TMEM108: variants seen among roughly 807,000 people sequenced by gnomAD.
TMEM108 encodes the protein transmembrane protein 108.
A neutral mutation model predicts 35.1 loss-of-function variants in TMEM108; 12 were observed. That is an observed-to-expected ratio of 0.34 (90% CI 0.22 to 0.55). The LOEUF is 0.55. Among genes scored for constraint, TMEM108 ranks in the 20% least tolerant of loss-of-function variants. The pLI, the probability that TMEM108 is intolerant of heterozygous loss-of-function variation, is 0.89. For missense variants in TMEM108, 680 were observed against 753.3 expected (o/e 0.90, Z 1.14); for synonymous variants, 287 against 308.6 (o/e 0.93, Z 0.73).
At chr3:133,312,066 G>T (rs2071136289) in intron 3 of TMEM108, among the ~76,000 whole-genome samples, 1 of 152,210 alleles carries the variant, frequency 6.6e-6, no homozygotes, top group South Asian at 2.1e-4. Flanking sequence ...AAATATTGCA[G>T]AACAGCAAAT....
chr3:133,156,853 A>G (rs909788844), intron 2 of TMEM108, among the ~76,000 whole-genome samples: 16 of 152,040 alleles, frequency 1.1e-4, no homozygotes, highest in Non-Finnish European at 2.4e-4. Context: ...TGTGTGAATC[A>G]TTGTTTTCCC....
intron 2 of TMEM108, among the ~76,000 whole-genome samples, chr3:133,047,725 C>G (rs1469145332): frequency 6.6e-6 from 1 of 151,896 alleles, no homozygotes; most frequent in Non-Finnish European, 1.5e-5. Flanking sequence ...GTGATTCAAT[C>G]TTGCTCTGAA....
intron 1 of TMEM108, among the ~76,000 whole-genome samples, chr3:133,042,050 G>A (rs1943282042): frequency 6.6e-6 from 1 of 152,166 alleles, no homozygotes; most frequent in South Asian, 2.1e-4. Flanking sequence ...TATATTAGCA[G>A]CCCCAAACTT....
intron 3 of TMEM108, among the ~76,000 whole-genome samples, chr3:133,364,350 G>A (rs2072443116): frequency 6.6e-6 from 1 of 152,250 alleles, no homozygotes; most frequent in Non-Finnish European, 1.5e-5. Context: ...GCCAGTAAGT[G>A]TGTGCTGGAT....
At chr3:133,116,592 A>G (rs1203030423) in intron 2 of TMEM108, among the ~76,000 whole-genome samples, 1 of 152,100 alleles carries the variant, frequency 6.6e-6, no homozygotes, top group Non-Finnish European at 1.5e-5. Flanking sequence ...ATGCCTTCCA[A>G]CTCGAAGACA....
intron 2 of TMEM108, among the ~76,000 whole-genome samples, chr3:133,125,658 C>A (rs1307512228): frequency 6.6e-6 from 1 of 152,112 alleles, no homozygotes; most frequent in African/African-American, 2.4e-5. Context: ...TCTTTTAGAT[C>A]ACAATCTTAA....
intron 2 of TMEM108, among the ~76,000 whole-genome samples, chr3:133,177,759 G>C (rs1470623674): frequency 6.6e-6 from 1 of 152,112 alleles, no homozygotes; most frequent in African/African-American, 2.4e-5. Flanking sequence ...GCACAAGATA[G>C]GGATGCCCTC....
intron 1 of TMEM108, among the ~76,000 whole-genome samples, chr3:133,039,866 G>T (rs767208382): frequency 6.6e-6 from 1 of 152,128 alleles, no homozygotes; most frequent in Non-Finnish European, 1.5e-5. Context: ...TTTAGGAAAT[G>T]ACCTGATTTC....
At chr3:133,277,655 A>G (rs749313358) in intron 3 of TMEM108, among the ~76,000 whole-genome samples, 3 of 152,312 alleles carry the variant, frequency 2.0e-5, no homozygotes, top group Admixed American at 6.5e-5. Flanking sequence ...GCATTGTTCT[A>G]TTTAACCTTG....
chr3:133,268,065 T>G (rs535961229), intron 3 of TMEM108, among the ~76,000 whole-genome samples: 1 of 152,298 alleles, frequency 6.6e-6, no homozygotes, highest in Non-Finnish European at 1.5e-5. Context: ...AGAAGCTGGC[T>G]AGGTACAGAG....
intron 3 of TMEM108, among the ~76,000 whole-genome samples, chr3:133,375,281 G>A (rs976478163): frequency 6.6e-6 from 1 of 152,208 alleles, no homozygotes; most frequent in South Asian, 2.1e-4. Context: ...GCTCATGTAT[G>A]CATTGGAATT....
intron 5 of TMEM108, among the ~76,000 whole-genome samples, chr3:133,391,166 G>T (rs1052647091): frequency 6.6e-6 from 1 of 152,194 alleles, no homozygotes; most frequent in African/African-American, 2.4e-5. Context: ...AGTTTTAGAA[G>T]GATTATGCTG....
intron 3 of TMEM108, among the ~76,000 whole-genome samples, chr3:133,339,735 GAAATAATACC>G (rs1171703989): frequency 4.0e-5 from 6 of 151,740 alleles, no homozygotes; most frequent in African/African-American, 1.5e-4. Flanking sequence ...CCAAAAAATT[GAAATAATACC>G]AAGTATATTC....
intron 3 of TMEM108, 170 bp from the exon 4 acceptor site, chr3:133,379,582 C>A: frequency 1.5e-6 from 1 of 678,750 alleles, no homozygotes; most frequent in Non-Finnish European, 2.5e-6. Flanking sequence ...AATAGACCTG[C>A]CCCAGCTCCA....
At chr3:133,258,924 G>A (rs79207628) in intron 3 of TMEM108, among the ~76,000 whole-genome samples, 1,911 of 152,342 alleles carry the variant, frequency 0.013, 16 homozygotes, top group South Asian at 0.024. Context: ...AAGATTGAGA[G>A]AATGATTTGA....
At chr3:133,229,207 T>C (rs1946116621) in intron 2 of TMEM108, 59 bp from the exon 3 acceptor site, 7 of 1,147,798 alleles carry the variant, frequency 6.1e-6, no homozygotes, top group Non-Finnish European at 8.9e-6. Context: ...AGTGGAGTTA[T>C]TTCTGATTTT....
chr3:133,089,371 A>T (rs555277081), intron 2 of TMEM108, among the ~76,000 whole-genome samples: 1 of 152,314 alleles, frequency 6.6e-6, no homozygotes, highest in East Asian at 1.9e-4. Flanking sequence ...ATATATTAGC[A>T]TATTGAGTTT....
Position 133,073,510 on chromosome 3 carries a change from C to CTCTCTCTCTCTATATA in TMEM108, c.-47+27491_-47+27492insCTCTCTCTCTATATAT. 4.7e-3 allele frequency among the ~76,000 whole-genome samples: 207 copies of CTCTCTCTCTCTATATA among 43,856 alleles called. 2 individuals carry two copies. The highest frequency in any genetic ancestry group is 7.7e-3 in the Admixed American group (22 of 2,852). The allele number at this position is 43,856 out of a possible 152,430, so 28.8% of individuals were successfully genotyped here. On this transcript the variant is annotated intron_variant, in intron 2 of 5. Transcript: ENST00000321871. ...TCTCTCTCTCTCTCTCTCTCTCTCT[C>CTCTCTCTCTCTATATA]TATATATATATATATATATATATAT...
At chr3:133,269,628 G>A (rs1946744500) in intron 3 of TMEM108, among the ~76,000 whole-genome samples, 2 of 152,204 alleles carry the variant, frequency 1.3e-5, no homozygotes, top group South Asian at 4.1e-4. Flanking sequence ...TCCAACCCCT[G>A]ATAGTTTGGT....
Sources: gnomAD v4.1 joint callset for allele counts (sites outside exome capture counted in the v4.1 genomes callset) on GRCh38, gnomAD v4.1.1 for gene constraint, MANE v1.5 for transcripts, NCBI Gene and HGNC (gene_info 2026-07-23, HGNC 2026-07-21) for gene names.